Variants in FAM171A1 observed in about 807,000 individuals in gnomAD.
FAM171A1 encodes protein FAM171A1.
FAM171A1 carries 23 observed loss-of-function variants against 74.9 expected under a neutral mutation model. That is an observed-to-expected ratio of 0.31 (90% CI 0.22 to 0.44). The LOEUF (loss-of-function observed/expected upper bound fraction) is 0.44, where lower values mean the gene tolerates loss of function less well. FAM171A1 is among the 20% of genes least tolerant of loss of function. FAM171A1 has a pLI of 1.00. For missense variants in FAM171A1, 1,162 were observed against 1,159.2 expected, an observed-to-expected ratio of 1.00 and a Z score of -0.03; for synonymous variants, 527 against 505.7, an observed-to-expected ratio of 1.04 and a Z score of -0.57.
intron 1 of FAM171A1, among the ~76,000 whole-genome samples, chr10:15,367,623 C>T (rs1836081675): frequency 6.6e-6 from 1 of 152,156 alleles, no homozygotes; most frequent in South Asian, 2.1e-4. Flanking sequence ...TCAACAGATC[C>T]CAGTGTTCTA....
At chr10:15,241,699 A>G (rs1834366263) in intron 5 of FAM171A1, 1 of 151,974 alleles carries the variant, frequency 6.6e-6, no homozygotes, top group South Asian at 2.1e-4. Context: ...TAACATATCC[A>G]TCACTTTACA....
At chr10:15,218,898 T>C (rs954458877) in intron 6 of FAM171A1, among the ~76,000 whole-genome samples, 2 of 152,106 alleles carry the variant, frequency 1.3e-5, no homozygotes, top group Non-Finnish European at 2.9e-5. Context: ...CCCTGGCCTG[T>C]GTATGCTTTT....
chr10:15,372,459 C>A (rs1283585826), upstream of FAM171A1, among the ~76,000 whole-genome samples: 2 of 152,020 alleles, frequency 1.3e-5, no homozygotes, highest in Non-Finnish European at 2.9e-5. Context: ...CTTTGGGAGG[C>A]TGAGGTAGGT....
rs182557992 is a variant in FAM171A1 at position 15,340,593 on chromosome 10, A to T, written c.97+30363T>A. Among the ~76,000 whole-genome samples, 9 of 152,274 alleles carry T rather than the reference A, an allele frequency of 5.9e-5. No individual in the cohort carries two copies. In the East Asian group the frequency reaches 1.7e-3, roughly 29 times the overall value. On this transcript the variant is annotated intron_variant, in intron 1 of 7. Transcript: ENST00000378116. ...GATCCCATGTGTGACACCTTCACGC[A>T]CTGTGAGCTGGCATCCTGTTAGGAG...
At chr10:15,366,051 A>T (rs900836460) in intron 1 of FAM171A1, among the ~76,000 whole-genome samples, 1 of 152,306 alleles carries the variant, frequency 6.6e-6, no homozygotes, top group South Asian at 2.1e-4. Context: ...ATTGGGTTAC[A>T]CTGTAGAATT....
chr10:15,340,476 A>G (rs1835752802), intron 1 of FAM171A1, among the ~76,000 whole-genome samples: 1 of 152,184 alleles, frequency 6.6e-6, no homozygotes, highest in Admixed American at 6.6e-5. Context: ...TTTGAGTTCA[A>G]ACTGCAAATG....
At chr10:15,326,693 T>C (rs747660839) in intron 1 of FAM171A1, among the ~76,000 whole-genome samples, 1 of 151,982 alleles carries the variant, frequency 6.6e-6, no homozygotes, top group Non-Finnish European at 1.5e-5. Context: ...AGTGGCATGA[T>C]CTTGGCTCAC....
intron 1 of FAM171A1, among the ~76,000 whole-genome samples, chr10:15,332,670 A>G (rs952308679): frequency 1.3e-5 from 2 of 152,202 alleles, no homozygotes; most frequent in Non-Finnish European, 2.9e-5. Flanking sequence ...CAGGTTGCAG[A>G]GACTCATTGC....
At chr10:15,367,049 A>C (rs1010878024) in intron 1 of FAM171A1, among the ~76,000 whole-genome samples, 8 of 152,124 alleles carry the variant, frequency 5.3e-5, no homozygotes, top group African/African-American at 1.2e-4. Context: ...ATACAAAAAA[A>C]ATAGCCAGGC....
chr10:15,310,868 T>G (rs1362524123), intron 1 of FAM171A1, among the ~76,000 whole-genome samples: 4 of 151,228 alleles, frequency 2.6e-5, no homozygotes, highest in African/African-American at 9.7e-5. Context: ...GCCTGAAGCC[T>G]CCAGAGGGTC....
chr10:15,295,569 C>T (rs1001537026), intron 1 of FAM171A1, among the ~76,000 whole-genome samples: 1 of 152,144 alleles, frequency 6.6e-6, no homozygotes, highest in Non-Finnish European at 1.5e-5. Flanking sequence ...TCCTCTTAAC[C>T]GCTTTTCATT....
At position 15,213,499 on chromosome 10, in the gene FAM171A1, C is replaced by A; in HGVS notation, c.2089G>T (p.Gly697Trp). 1 of 1,614,142 alleles carries A rather than the reference C, an allele frequency of 6.2e-7. No homozygotes were observed. Among genetic ancestry groups the A allele is most frequent in the Non-Finnish European group, 8.5e-7 (1 of 1,180,036 alleles). ...GGGTGCGGAAGCGGCTTCCCACCCC[C>A]AAGCTCCATCAGGGCCTTTTCAGTC... is the stretch of plus-strand genomic sequence containing the variant. ...LLTEKALMELGGGKPLPHPRA... is the reference protein window; with the variant it reads ...LLTEKALMELWGGKPLPHPRA... The change falls in exon 8 of 8, where the codon GGG (glycine) becomes TGG (tryptophan). Residue 697 changes from glycine (G) to tryptophan (W), a missense_variant. By Grantham distance (184) the Gly-to-Trp change is radical. Transcript: ENST00000378116. This position sits in a 1 kb window ranked among gnomAD's most constrained non-coding sequence, Gnocchi z 6.8.
At chr10:15,355,234 C>T (rs1835919438) in intron 1 of FAM171A1, among the ~76,000 whole-genome samples, 1 of 152,068 alleles carries the variant, frequency 6.6e-6, no homozygotes, top group African/African-American at 2.4e-5. Flanking sequence ...GCCACCACGC[C>T]CAGCTAATTT....
intron 1 of FAM171A1, among the ~76,000 whole-genome samples, chr10:15,363,164 G>A (rs1836016547): frequency 6.6e-6 from 1 of 152,198 alleles, no homozygotes; most frequent in Non-Finnish European, 1.5e-5. Context: ...GGAAGAGCAG[G>A]AGACAGTGGG....
Position 15,221,005 on chromosome 10 carries a change from C to T in FAM171A1, c.810G>A (p.Thr270=), listed in dbSNP as rs200455209. The T allele has an allele frequency of 2.5e-5, 41 of 1,614,166 alleles. No individual in the cohort carries two copies. The highest frequency in any genetic ancestry group is 3.3e-4 in the Middle Eastern group (2 of 6,060). ...GLVHQEGSQL[T]WTYIAPQLGY... ...CCAACTGGGGGGCAATGTATGTCCA[C>T]GTCAGCTGGCTGCCTTCCTGGTGCA... The change falls in exon 6 of 8, where the codon ACG becomes ACA. Residue 270 remains threonine (T), a synonymous_variant. Coordinates refer to ENST00000378116, the MANE Select transcript of FAM171A1 (RefSeq NM_001010924.2).
rs531480330 is a variant in FAM171A1 at position 15,366,042 on chromosome 10, T to C, written c.97+4914A>G. Among the ~76,000 whole-genome samples, 3 of 152,336 alleles carry C rather than the reference T, an allele frequency of 2.0e-5. No homozygotes were observed. The South Asian group carries it at 6.2e-4, about 32-fold the overall frequency. On this transcript the variant is annotated intron_variant, in intron 1 of 7. Coordinates refer to ENST00000378116, the MANE Select transcript of FAM171A1 (RefSeq NM_001010924.2). ...GGTTTTCTTAATTCAGGGTATGCTA[T>C]TGGGTTACACTGTAGAATTTCTTTT...
At chr10:15,314,386 G>T (rs1394648827) in intron 1 of FAM171A1, among the ~76,000 whole-genome samples, 2 of 152,132 alleles carry the variant, frequency 1.3e-5, no homozygotes, top group Non-Finnish European at 2.9e-5. Context: ...TTTAACTTTG[G>T]CTGTTTTATC....
chr10:15,356,920 G>C lies in FAM171A1; in HGVS notation c.97+14036C>G, dbSNP rs542937678. On this transcript the variant is annotated intron_variant, in intron 1 of 7. Transcript: ENST00000378116. The stretch of plus-strand genomic sequence containing the variant: ...TGGGAGGCAGAGATTGCAGTGAGCA[G>C]AGATCATGCCACTGCCCTCCAGCCT... 5.3e-5 allele frequency among the ~76,000 whole-genome samples: 8 copies of C among 152,196 alleles called. No homozygotes were observed. In the South Asian group the frequency reaches 1.7e-3, roughly 32 times the overall value.
intron 5 of FAM171A1, among the ~76,000 whole-genome samples, chr10:15,228,769 C>T (rs1241221070): frequency 6.6e-6 from 1 of 152,176 alleles, no homozygotes; most frequent in Non-Finnish European, 1.5e-5. Flanking sequence ...TGACATGATC[C>T]TAAATGTGAT....
Sources: allele counts gnomAD v4.1 joint callset (sites outside exome capture counted in the v4.1 genomes callset), GRCh38; gene constraint gnomAD v4.1.1; non-coding constraint Gnocchi (gnomAD v3.1); transcripts MANE v1.5; gene names NCBI Gene and HGNC (gene_info 2026-07-23, HGNC 2026-07-21).